Variants in EEA1 observed in about 807,000 individuals in gnomAD.
The protein encoded by EEA1 is early endosome antigen 1.
EEA1 carries 111 observed loss-of-function variants against 209.2 expected under a neutral mutation model. The ratio of observed to expected loss-of-function variants is 0.53; its 90% CI spans 0.45 to 0.62. The LOEUF is 0.62. EEA1 is among the 20% of genes least tolerant of loss of function. The pLI is 0.00. For missense variants in EEA1, 1,343 were observed against 1,530.8 expected (o/e 0.88, Z 2.05); for synonymous variants, 536 against 540.6 (o/e 0.99, Z 0.12).
Position 92,852,960 on chromosome 12 carries a change from T to C in EEA1, c.472A>G (p.Lys158Glu). 1 of 1,612,638 alleles carries C rather than the reference T, an allele frequency of 6.2e-7. No homozygotes were observed. Among genetic ancestry groups the C allele is most frequent in the Non-Finnish European group, 8.5e-7 (1 of 1,179,386 alleles). ...GCTGCTTTCTGTTCAAATAAGTCTT[T>C]CATTTGCTTAATATTAAAATTTTCT... ...QTENFNIKQM[K>E]DLFEQKAAQL... Residue 158 changes from lysine to glutamate, a missense_variant, in exon 7 of 29, where the codon AAA becomes GAA. Physicochemically the swap from Lys to Glu is moderately conservative, Grantham distance 56. Around this residue, in one of 3 missense-constraint regions of EEA1, gnomAD observed 1,307 missense variants for 1,465.5 expected, o/e 0.89. Coordinates refer to ENST00000322349, the MANE Select transcript of EEA1 (RefSeq NM_003566.4).
chr12:92,871,235 C>G (rs867148857), intron 2 of EEA1, among the ~76,000 whole-genome samples: 1 of 152,112 alleles, frequency 6.6e-6, no homozygotes, highest in Non-Finnish European at 1.5e-5. Flanking sequence ...AGAGAAACCA[C>G]GCAGACTTCC....
intron 2 of EEA1, chr12:92,884,417 G>C: frequency 7.6e-7 from 1 of 1,314,050 alleles, no homozygotes; most frequent in Non-Finnish European, 1.1e-6. Context: ...TGACAACACT[G>C]GTAGTGGAGG....
At chr12:92,876,632 A>G (rs1878899384) in intron 2 of EEA1, among the ~76,000 whole-genome samples, 2 of 152,108 alleles carry the variant, frequency 1.3e-5, no homozygotes, top group Non-Finnish European at 2.9e-5. Flanking sequence ...TAAGCTACCA[A>G]GTCTGTGGTA....
At position 92,864,911 on chromosome 12, in the gene EEA1, T is replaced by C. The variant is rs760271857; in HGVS notation, c.194A>G (p.Asp65Gly). 6.2e-7 allele frequency: 1 copy of C among 1,611,122 alleles called. No individual in the cohort carries two copies. The highest frequency in any genetic ancestry group is 1.7e-5 in the Admixed American group (1 of 59,612). Residue 65 changes from aspartate to glycine, a missense_variant, in exon 3 of 29, where the codon GAT (aspartate) becomes GGT (glycine). Around this residue, in one of 3 missense-constraint regions of EEA1, gnomAD observed 1,307 missense variants for 1,465.5 expected, o/e 0.89. Coordinates refer to ENST00000322349, the MANE Select transcript of EEA1 (RefSeq NM_003566.4). ...ELFKHYEAVH[D>G]AGNDSGHGGE... ...TCCATGACCTGAGTCATTACCAGCATCATGAACAGCTTCATAATGTTTGAA... is the reference window on the plus strand; with the variant it reads ...TCCATGACCTGAGTCATTACCAGCACCATGAACAGCTTCATAATGTTTGAA...
intron 1 of EEA1, among the ~76,000 whole-genome samples, chr12:92,902,524 C>T (rs1225479824): frequency 2.0e-5 from 3 of 152,106 alleles, no homozygotes; most frequent in Non-Finnish European, 4.4e-5. Flanking sequence ...GGGCATAACA[C>T]GAGGTCAGGA....
chr12:92,818,810 C>T (rs137881528), intron 14 of EEA1, among the ~76,000 whole-genome samples: 19 of 152,184 alleles, frequency 1.2e-4, no homozygotes, highest in African/African-American at 3.6e-4. Flanking sequence ...AATGCTGGAA[C>T]ATTAAGGCAA....
chr12:92,854,173 T>C (rs1877759883), intron 5 of EEA1, among the ~76,000 whole-genome samples: 1 of 152,202 alleles, frequency 6.6e-6, no homozygotes, highest in African/African-American at 2.4e-5. Context: ...AGTTCTAACA[T>C]AGATTTTTTT....
chr12:92,826,366 T>C, intron 12 of EEA1, 81 bp from the exon 13 acceptor site: 1 of 1,347,778 alleles, frequency 7.4e-7, no homozygotes. Flanking sequence ...ACTTCAATTC[T>C]CAAGTCTGAA....
At chr12:92,813,160 A>C in intron 15 of EEA1, 67 bp from the exon 16 acceptor site, 1 of 984,914 alleles carries the variant, frequency 1.0e-6, no homozygotes, top group African/African-American at 1.6e-5. Context: ...TTGAACGCAC[A>C]CTCCTTTTGT....
intron 18 of EEA1, among the ~76,000 whole-genome samples, chr12:92,806,069 G>A (rs1663421511): frequency 6.6e-6 from 1 of 151,682 alleles, no homozygotes; most frequent in Admixed American, 6.6e-5. Flanking sequence ...GTGGGTAACT[G>A]AAAAAAAGAA....
At chr12:92,923,206 G>A (rs1251709021) in intron 1 of EEA1, among the ~76,000 whole-genome samples, 1 of 151,856 alleles carries the variant, frequency 6.6e-6, no homozygotes, top group Non-Finnish European at 1.5e-5. Context: ...AAATTAGCCA[G>A]GCACGGTGGT....
At chr12:92,836,727 T>A (rs1196808479) in intron 10 of EEA1, among the ~76,000 whole-genome samples, 2 of 152,156 alleles carry the variant, frequency 1.3e-5, no homozygotes, top group African/African-American at 4.8e-5. Context: ...AAAAGTTATG[T>A]TTTATACAAA....
At chr12:92,870,232 A>C (rs1878580087) in intron 2 of EEA1, among the ~76,000 whole-genome samples, 1 of 152,204 alleles carries the variant, frequency 6.6e-6, no homozygotes, top group South Asian at 2.1e-4. Flanking sequence ...ATCCTTTCTT[A>C]TATACATAAT....
intron 2 of EEA1, among the ~76,000 whole-genome samples, chr12:92,886,789 G>A (rs1203612317): frequency 2.6e-5 from 4 of 151,990 alleles, no homozygotes; most frequent in Non-Finnish European, 5.9e-5. Context: ...ACAAGGTCAG[G>A]AGATCGAGAC....
intron 18 of EEA1, among the ~76,000 whole-genome samples, chr12:92,807,756 G>T (rs1027861890): frequency 2.0e-5 from 3 of 152,048 alleles, no homozygotes; most frequent in African/African-American, 7.2e-5. Flanking sequence ...ATAAAATACT[G>T]CTCAGAGAAA....
intron 9 of EEA1, among the ~76,000 whole-genome samples, chr12:92,848,488 CA>C (rs939975700): frequency 1.3e-5 from 2 of 151,706 alleles, no homozygotes; most frequent in African/African-American, 2.4e-5. Flanking sequence ...TAAAGAAAAA[CA>C]AAAAAACTCT....
At chr12:92,863,629 A>G (rs1403147379) in intron 3 of EEA1, among the ~76,000 whole-genome samples, 1 of 152,252 alleles carries the variant, frequency 6.6e-6, no homozygotes, top group Non-Finnish European at 1.5e-5. Flanking sequence ...AATCATGAGA[A>G]TTCATAAACT....
intron 25 of EEA1, among the ~76,000 whole-genome samples, chr12:92,778,402 T>C (rs1873753376): frequency 6.6e-6 from 1 of 152,000 alleles, no homozygotes; most frequent in Admixed American, 6.6e-5. Flanking sequence ...ACCATCATGA[T>C]GGTGAGCTAA....
intron 9 of EEA1, 115 bp downstream of exon 9, chr12:92,850,996 G>C (rs896283560): frequency 3.0e-6 from 3 of 993,038 alleles, no homozygotes; most frequent in Non-Finnish European, 4.3e-6. Flanking sequence ...AAAAATGAAA[G>C]AAAGACAAAT....
Sources: gnomAD v4.1 joint callset for allele counts (sites outside exome capture counted in the v4.1 genomes callset) on GRCh38, gnomAD v4.1.1 for gene constraint, gnomAD v4.1.1 regional missense constraint, MANE v1.5 for transcripts, NCBI Gene and HGNC (gene_info 2026-07-23, HGNC 2026-07-21) for gene names.